PLOD3: variants seen among roughly 807,000 people sequenced by gnomAD.
PLOD3 encodes the protein multifunctional procollagen lysine hydroxylase and glycosyltransferase LH3.
A neutral mutation model predicts 96.9 loss-of-function variants in PLOD3; 73 were observed. That is an observed-to-expected ratio of 0.75 (90% CI 0.62 to 0.92). The LOEUF is 0.92. Among genes scored for constraint, PLOD3 ranks in the 40% least tolerant of loss-of-function variants. PLOD3 has a pLI of 0.00. For synonymous variants in PLOD3, 454 were observed against 413.7 expected (o/e 1.10, Z -1.18); for missense variants, 1,004 against 1,004.3 (o/e 1.00, Z 0.00).
rs748081788 is a variant in PLOD3, at chr7:101,216,013, G to A, written c.510C>T (p.Ile170=). The change falls in exon 5 of 19, where the codon ATC becomes ATT. Residue 170 remains isoleucine (I), a synonymous_variant. Coordinates refer to ENST00000223127, the MANE Select transcript of PLOD3 (RefSeq NM_001084.5). ...GKRFLNSGGF[I]GFATTIHQIV... is the part of the protein sequence containing the mutation. ...TTTGGTGGATGGTGGTGGCAAAACC[G>A]ATGAATCCTGGCGGGGAGGGGGAGT... The A allele has an allele frequency of 8.7e-6, 14 of 1,613,658 alleles. No homozygotes were observed. Among genetic ancestry groups the A allele is most frequent in the Admixed American group, 3.3e-5 (2 of 59,984 alleles).
chr7:101,210,594 C>T lies in PLOD3; in HGVS notation c.1438G>A (p.Asp480Asn). 1 of 1,614,182 alleles carries T rather than the reference C, an allele frequency of 6.2e-7. No homozygotes were observed. The highest frequency in any genetic ancestry group is 8.5e-7 in the Non-Finnish European group (1 of 1,180,024). The change falls in exon 13 of 19, where the codon GAT becomes AAT. Residue 480 changes from aspartate to asparagine, a missense_variant. Asp to Asn is a conservative substitution (Grantham distance 23). This residue lies in a region of PLOD3 where 690 missense variants were observed against 650.2 expected (regional missense o/e 1.06). Transcript: ENST00000223127. The part of the protein sequence containing the change: ...DTLRMELPQR[D>N]VFSGSDTDPD... ...TCTGTGTCACTGCCCGAGAACACATCCCTCTGGGGCAGCTCCATCCGCAGG... is the reference window on the plus strand; with the variant it reads ...TCTGTGTCACTGCCCGAGAACACATTCCTCTGGGGCAGCTCCATCCGCAGG...
At chr7:101,216,052 CTCCCAGGG>C (rs368739549) in intron 4 of PLOD3, 32 bp from the exon 5 acceptor site, 145 of 1,607,694 alleles carry the variant, frequency 9.0e-5, no homozygotes, top group Non-Finnish European at 9.0e-5. Context: ...GACCTCGAGA[CTCCCAGGG>C]TCCCAGGGCC....
rs1206697382 is a variant in PLOD3 at position 101,211,624 on chromosome 7, T to A, written c.1325A>T (p.Glu442Val). ...LSPDEYYARS[E>V]DYVELVQRKR... ...CCGCTGCACCAGCTCCACGTAGTCC[T>A]CGGAGCGGGCGTAGTACTCATCGGG... The change falls in exon 12 of 19, where the codon GAG becomes GTG. Residue 442 changes from glutamate to valine, a missense_variant. By Grantham distance (121) the Glu-to-Val change is moderately radical. This residue lies in a region of PLOD3 where 690 missense variants were observed against 650.2 expected (regional missense o/e 1.06). Coordinates refer to ENST00000223127, the MANE Select transcript of PLOD3 (RefSeq NM_001084.5). 1.2e-6 allele frequency: 2 copies of A among 1,605,824 alleles called. No homozygotes were observed. Among genetic ancestry groups the A allele is most frequent in the Non-Finnish European group, 1.7e-6 (2 of 1,177,064 alleles).
chr7:101,208,780 T>A (rs1030303222), intron 16 of PLOD3, 73 bp downstream of exon 16: 1 of 1,018,136 alleles, frequency 9.8e-7, no homozygotes, highest in Non-Finnish European at 1.6e-6. Flanking sequence ...TTTTCCTGAT[T>A]CCATTGTTTG....
chr7:101,214,962 A>AC (rs1798245273), intron 6 of PLOD3, 127 bp downstream of exon 6: 3 of 790,496 alleles, frequency 3.8e-6, no homozygotes, highest in Admixed American at 3.5e-5. Flanking sequence ...CCAGCCACTC[A>AC]GACGCCTGAC....
chr7:101,213,075 G>A, intron 7 of PLOD3, 32 bp downstream of exon 7: 1 of 1,491,012 alleles, frequency 6.7e-7, no homozygotes, highest in Non-Finnish European at 9.3e-7. Flanking sequence ...GTTGGGGCAG[G>A]GCGGGGCGGG....
In PLOD3 at chr7:101,215,070, C is replaced by G; in HGVS notation, c.679+19G>C. The stretch of plus-strand genomic sequence containing the variant: ...GCAGAGGCTGCGCATCGCCCACCTG[C>G]GGCTGTCTTCCTCCTCACCTAAAGC... On this transcript the variant is annotated intron_variant, in intron 6 of 18. Coordinates refer to ENST00000223127, the MANE Select transcript of PLOD3 (RefSeq NM_001084.5). 6.3e-7 allele frequency: 1 copy of G among 1,594,444 alleles called. No homozygotes were observed.
chr7:101,212,194 C>A, intron 10 of PLOD3, 59 bp downstream of exon 10: 2 of 1,599,098 alleles, frequency 1.3e-6, no homozygotes, highest in Admixed American at 3.3e-5. Context: ...CAGCAGGTGG[C>A]AGCACCCCTG....
chr7:101,208,973 G>T lies in PLOD3; in HGVS notation c.1684-16C>A. 2 of 1,560,496 alleles carry T rather than the reference G, an allele frequency of 1.3e-6. No individual in the cohort carries two copies. The highest frequency in any genetic ancestry group is 1.8e-6 in the Non-Finnish European group (2 of 1,131,262). Reference sequence around the variant, plus strand: ...CCGGGCATGGCTGAGGATGGGGCGAGGGAGAACAGGGCTAGCTGACGCCGC... The same window carrying T: ...CCGGGCATGGCTGAGGATGGGGCGATGGAGAACAGGGCTAGCTGACGCCGC... On this transcript the variant is annotated splice_polypyrimidine_tract_variant and intron_variant, in intron 15 of 18. Coordinates refer to ENST00000223127, the MANE Select transcript of PLOD3 (RefSeq NM_001084.5).
chr7:101,217,289 C>G lies in PLOD3; in HGVS notation c.-15G>C, dbSNP rs1244463457. Reference sequence around the variant, plus strand: ...GAGGAGGTCATGGTGGGGAGCGGGCCCAGACAGCACCCAGGATCCTGGGAT... The same window carrying G: ...GAGGAGGTCATGGTGGGGAGCGGGCGCAGACAGCACCCAGGATCCTGGGAT... On this transcript the variant is annotated 5_prime_UTR_variant, in exon 1 of 19. Transcript: ENST00000223127. The G allele has an allele frequency of 6.9e-7, 1 of 1,447,096 alleles. No individual in the cohort carries two copies. The highest frequency in any genetic ancestry group is 2.7e-5 in the East Asian group (1 of 36,576). 89.6% of individuals were successfully genotyped at this position (1,447,096 alleles called of 1,614,324 possible).
rs1176350940 is a variant in PLOD3 at position 101,217,285 on chromosome 7, G to A, written c.-11C>T. 6.9e-7 allele frequency: 1 copy of A among 1,454,542 alleles called. No homozygotes were observed. The highest frequency in any genetic ancestry group is 1.5e-5 in the African/African-American group (1 of 67,796). The allele number at this position is 1,454,542 out of a possible 1,614,324, so 90.1% of individuals were successfully genotyped here. A position where few individuals can be genotyped will look rare whatever the true frequency, so the allele number is the denominator to read the frequency against. On this transcript the variant is annotated 5_prime_UTR_variant, in exon 1 of 19. Coordinates refer to ENST00000223127, the MANE Select transcript of PLOD3 (RefSeq NM_001084.5). ...CCCCGAGGAGGTCATGGTGGGGAGC[G>A]GGCCCAGACAGCACCCAGGATCCTG... is the stretch of plus-strand genomic sequence containing the variant.
chr7:101,216,710 G>C lies in PLOD3; in HGVS notation c.186C>G (p.Phe62Leu), dbSNP rs963282673. 9 of 1,613,598 alleles carry C rather than the reference G, an allele frequency of 5.6e-6. No individual in the cohort carries two copies. In the African/African-American group the frequency reaches 1.2e-4, roughly 22 times the overall value. The change falls in exon 2 of 19, where the codon TTC (phenylalanine) becomes TTG (leucine). Residue 62 changes from phenylalanine to leucine, a missense_variant. This residue lies in a region of PLOD3 where 690 missense variants were observed against 650.2 expected (regional missense o/e 1.06). Coordinates refer to ENST00000223127, the MANE Select transcript of PLOD3 (RefSeq NM_001084.5). ...CTCTCCTCACCCGCACAGTGTAGTT[G>C]AAGAACTCCGCAGAGCGCAGGAAAC... Reference protein sequence around the residue: ...YLRFLRSAEFFNYTVRTLGLG... With the variant: ...YLRFLRSAEFLNYTVRTLGLG...
rs1177288226 is a variant in PLOD3 at position 101,206,908 on chromosome 7, G to A, written c.1936-4C>T. The stretch of plus-strand genomic sequence containing the variant: ...CAAAGTTCATCACCGCCCGCGCCTG[G>A]GGGAGAGGAGGGAAGAGGCTGCAGG... On this transcript the variant is annotated splice_polypyrimidine_tract_variant and splice_region_variant and intron_variant, in intron 17 of 18. Transcript: ENST00000223127. 2 of 1,555,432 alleles carry A rather than the reference G, an allele frequency of 1.3e-6. No homozygotes were observed. The highest frequency in any genetic ancestry group is 1.2e-5 in the South Asian group (1 of 84,322).
intron 18 of PLOD3, 28 bp downstream of exon 18, chr7:101,206,751 G>C: frequency 6.4e-7 from 1 of 1,572,728 alleles, no homozygotes; most frequent in Non-Finnish European, 8.6e-7. Context: ...GAGGTGAAGC[G>C]TGGGTGGGTA....
chr7:101,214,560 G>A (rs1398953005), intron 6 of PLOD3, among the ~76,000 whole-genome samples: 7 of 152,226 alleles, frequency 4.6e-5, no homozygotes, highest in South Asian at 2.1e-4. Flanking sequence ...GAAGTAGACC[G>A]GGCACAGTGG....
intron 5 of PLOD3, 138 bp from the exon 6 acceptor site, chr7:101,215,290 T>C: frequency 1.4e-6 from 1 of 738,980 alleles, no homozygotes; most frequent in South Asian, 1.4e-5. Context: ...CTCAGCTCAC[T>C]GCAACCTCTG....
intron 2 of PLOD3, 49 bp from the exon 3 acceptor site, chr7:101,216,595 G>A: frequency 6.2e-7 from 1 of 1,612,504 alleles, no homozygotes; most frequent in Admixed American, 1.7e-5. Context: ...GAGTTGTGGG[G>A]GGAACTCCTG....
intron 10 of PLOD3, 36 bp from the exon 11 acceptor site, chr7:101,211,986 G>T: frequency 6.9e-7 from 1 of 1,439,722 alleles, no homozygotes; most frequent in Non-Finnish European, 9.6e-7. Flanking sequence ...GGCGGCAGGT[G>T]GGGAGGCGGT....
In PLOD3 at chr7:101,207,624, T is replaced by C. The variant is rs756035407; in HGVS notation, c.1889A>G (p.Tyr630Cys). The change falls in exon 17 of 19, where the codon TAT becomes TGT. Residue 630 changes from tyrosine to cysteine, a missense_variant. By Grantham distance (194) the Tyr-to-Cys change is radical. This residue lies in a region of PLOD3 where 222 missense variants were observed against 220.4 expected (regional missense o/e 1.01). Transcript: ENST00000223127. Reference sequence around the variant, plus strand: ...CAGGCTCTCGGTCATGGGGCCCACATACGTCCGCAGCAGCTGCAGCCACTG... The same window carrying C: ...CAGGCTCTCGGTCATGGGGCCCACACACGTCCGCAGCAGCTGCAGCCACTG... ...EDQWLQLLRT[Y>C]VGPMTESLFP... The C allele has an allele frequency of 1.2e-6, 2 of 1,613,972 alleles. No individual in the cohort carries two copies. Among genetic ancestry groups the C allele is most frequent in the Admixed American group, 3.3e-5 (2 of 59,996 alleles).
Sources: allele counts gnomAD v4.1 joint callset (sites outside exome capture counted in the v4.1 genomes callset), GRCh38; gene constraint gnomAD v4.1.1; regional missense constraint gnomAD v4.1.1; transcripts MANE v1.5; gene names NCBI Gene and HGNC (gene_info 2026-07-23, HGNC 2026-07-21).